Variants in MSANTD2 observed in about 807,000 individuals in gnomAD.
MSANTD2 encodes Myb/SANT DNA binding domain containing 2, also known as myb/SANT-like DNA-binding domain-containing protein 2.
A neutral mutation model predicts 52.6 loss-of-function variants in MSANTD2; 19 were observed. The ratio of observed to expected loss-of-function variants is 0.36; its 90% CI spans 0.25 to 0.53. MSANTD2 has a LOEUF of 0.53. Ranked by LOEUF, MSANTD2 falls within the 20% of genes least tolerant of loss-of-function variation. The pLI, the probability that MSANTD2 is intolerant of heterozygous loss-of-function variation, is 0.91. For synonymous variants in MSANTD2, 291 were observed against 289.7 expected (o/e 1.00, Z -0.04); for missense variants, 558 against 716.3 (o/e 0.78, Z 2.52).
intron 1 of MSANTD2, chr11:124,791,517 G>T: frequency 9.0e-7 from 1 of 1,112,770 alleles, no homozygotes; most frequent in South Asian, 1.3e-5. Flanking sequence ...TTGGAGAAGG[G>T]ATAAATGAAA....
At position 124,776,726 on chromosome 11, in the gene MSANTD2, T is replaced by C. The variant is rs139216406; in HGVS notation, c.511-1752A>G. Among the ~76,000 whole-genome samples the C allele has an allele frequency of 5.7e-3, 861 of 152,332 alleles. 19 individuals are homozygous for C. Among genetic ancestry groups the C allele is most frequent in the Admixed American group, 0.036 (548 of 15,302 alleles). The stretch of plus-strand genomic sequence containing the variant: ...AATAATAAAAGCACGACATGTGTGA[T>C]GATCTTCCTCACACAAAAACAGAGC... On this transcript the variant is annotated intron_variant, in intron 1 of 3. Coordinates refer to ENST00000374979, the MANE Select transcript of MSANTD2 (RefSeq NM_001308027.2).
Position 124,767,112 on chromosome 11 carries a change from C to T in MSANTD2, c.*64G>A, listed in dbSNP as rs1224394421. On this transcript the variant is annotated 3_prime_UTR_variant, in exon 4 of 4. Transcript: ENST00000374979. This position sits in a 1 kb window ranked among gnomAD's most constrained non-coding sequence, Gnocchi z 6.5. ...GGCGGCATCTGGATGAGGGGTGGTCCGGGTAATGGGAAGTGAGTAGAGAAG... is the reference window on the plus strand; with the variant it reads ...GGCGGCATCTGGATGAGGGGTGGTCTGGGTAATGGGAAGTGAGTAGAGAAG... 9 of 1,489,076 alleles carry T rather than the reference C, an allele frequency of 6.0e-6. No individual in the cohort carries two copies. In the East Asian group the frequency reaches 6.8e-5, roughly 11 times the overall value. 92.2% of individuals were successfully genotyped at this position (1,489,076 alleles called of 1,614,324 possible).
At position 124,774,305 on chromosome 11, in the gene MSANTD2, A is replaced by G. The variant is rs1156451090; in HGVS notation, c.766+414T>C. On this transcript the variant is annotated intron_variant, in intron 2 of 3. Coordinates refer to ENST00000374979, the MANE Select transcript of MSANTD2 (RefSeq NM_001308027.2). This position sits in a 1 kb window ranked among gnomAD's most constrained non-coding sequence, Gnocchi z 5.1. ...GGGATAAAAGAAGGAATTCCTAAGA[A>G]CAACATCTACAGCAGTTGGGCCAAG... Among the ~76,000 whole-genome samples the G allele has an allele frequency of 6.8e-6, 1 of 146,576 alleles. No homozygotes were observed. Among genetic ancestry groups the G allele is most frequent in the Non-Finnish European group, 1.5e-5 (1 of 67,756 alleles).
At chr11:124,786,041 G>C (rs1210320886) in intron 1 of MSANTD2, among the ~76,000 whole-genome samples, 1 of 146,234 alleles carries the variant, frequency 6.8e-6, no homozygotes, top group Non-Finnish European at 1.5e-5. Flanking sequence ...TTAATATTTA[G>C]TTTAAGTAAA....
At position 124,779,497 on chromosome 11, in the gene MSANTD2, C is replaced by T. The variant is rs1944871244; in HGVS notation, c.511-4523G>A. Among the ~76,000 whole-genome samples, 1 of 152,186 alleles carries T rather than the reference C, an allele frequency of 6.6e-6. No individual in the cohort carries two copies. Among genetic ancestry groups the T allele is most frequent in the South Asian group, 2.1e-4 (1 of 4,832 alleles). ...AGGACAAAAACACTGTTCTAGCTAA[C>T]TGACCATACATGGAATGGAGCACTA... On this transcript the variant is annotated intron_variant, in intron 1 of 3. Transcript: ENST00000374979. The surrounding 1 kb of genome is among the most constrained non-coding windows in gnomAD (Gnocchi z 4.6).
intron 1 of MSANTD2, chr11:124,783,956 T>C: frequency 1.0e-6 from 1 of 985,408 alleles, no homozygotes. Flanking sequence ...GCATGCATGT[T>C]CATGTATAAG....
chr11:124,794,713 G>T (rs959006752), intron 1 of MSANTD2, among the ~76,000 whole-genome samples: 4 of 152,058 alleles, frequency 2.6e-5, no homozygotes, highest in Non-Finnish European at 4.4e-5. Context: ...TAATTGCAAG[G>T]CTTCAGAGCT....
At chr11:124,795,040 G>C (rs1435291993) in intron 1 of MSANTD2, among the ~76,000 whole-genome samples, 1 of 151,954 alleles carries the variant, frequency 6.6e-6, no homozygotes, top group African/African-American at 2.4e-5. Context: ...CACCACGCCC[G>C]GCTAATTTTT....
intron 3 of MSANTD2, among the ~76,000 whole-genome samples, chr11:124,769,155 C>T (rs1376866547): frequency 6.6e-6 from 1 of 152,200 alleles, no homozygotes; most frequent in East Asian, 1.9e-4. Context: ...GCTACGTTCT[C>T]ATACCTTCTA....
At chr11:124,770,487 G>A (rs781103818) in intron 3 of MSANTD2, among the ~76,000 whole-genome samples, 3 of 152,012 alleles carry the variant, frequency 2.0e-5, no homozygotes, top group Non-Finnish European at 4.4e-5. Context: ...TTGTGGAGAT[G>A]AGAGTCTAGC....
intron 1 of MSANTD2, among the ~76,000 whole-genome samples, chr11:124,780,654 T>G (rs1383648575): frequency 6.6e-6 from 1 of 152,228 alleles, no homozygotes; most frequent in Admixed American, 6.5e-5. Context: ...AATTCTGCTC[T>G]GCATTATGTA....
rs750617814 is a variant in MSANTD2 at position 124,779,204 on chromosome 11, T to C, written c.511-4230A>G. On this transcript the variant is annotated intron_variant, in intron 1 of 3. Coordinates refer to ENST00000374979, the MANE Select transcript of MSANTD2 (RefSeq NM_001308027.2). This position sits in a 1 kb window ranked among gnomAD's most constrained non-coding sequence, Gnocchi z 4.6. ...ATAAAATATTGAAAGGCTTGGAAAATAAGATCTATAAGCAGGGACAGTGGT... is the reference window on the plus strand; with the variant it reads ...ATAAAATATTGAAAGGCTTGGAAAACAAGATCTATAAGCAGGGACAGTGGT... 6.6e-6 allele frequency: 1 copy of C among 152,064 alleles called. No individual in the cohort carries two copies. Among genetic ancestry groups the C allele is most frequent in the African/African-American group, 2.4e-5 (1 of 41,408 alleles). The allele number at this position is 152,064 out of a possible 1,614,324, so 9.4% of individuals were successfully genotyped here.
chr11:124,766,515 A>AT lies in MSANTD2; in HGVS notation c.*660dup, dbSNP rs35006083. ...CGCCAAGGGGCCAGGAATTACTTTA[A>AT]TTTTTTTTTTTTAAAAAAAGGTTTA... On this transcript the variant is annotated 3_prime_UTR_variant, in exon 4 of 4. Transcript: ENST00000374979. 0.42 allele frequency: 58,051 copies of AT among 138,756 alleles called. 11,604 individuals are homozygous for AT. The highest frequency in any genetic ancestry group is 0.54 in the Middle Eastern group (152 of 280). 8.6% of individuals were successfully genotyped at this position (138,756 alleles called of 1,614,324 possible).
At chr11:124,783,747 A>C (rs899221121) in intron 1 of MSANTD2, 11 of 985,204 alleles carry the variant, frequency 1.1e-5, no homozygotes, top group Non-Finnish European at 1.3e-5. Context: ...CTAGCAGCTG[A>C]GGGTCGTGCC....
intron 1 of MSANTD2, chr11:124,783,981 A>C: frequency 1.0e-6 from 1 of 985,450 alleles, no homozygotes; most frequent in African/African-American, 1.7e-5. Flanking sequence ...TCTTTAGGGT[A>C]CAAGAATCCT....
intron 1 of MSANTD2, chr11:124,775,545 G>A (rs1428424627): frequency 6.6e-6 from 1 of 152,498 alleles, no homozygotes; most frequent in East Asian, 1.9e-4. Flanking sequence ...CTTTGTGGAA[G>A]CCGCTAAAAT....
chr11:124,781,805 A>C lies in MSANTD2; in HGVS notation c.511-6831T>G, dbSNP rs186936421. Among the ~76,000 whole-genome samples the C allele has an allele frequency of 4.2e-3, 635 of 152,086 alleles. 3 individuals are homozygous for C. The highest frequency in any genetic ancestry group is 0.013 in the Admixed American group (202 of 15,262). Reference sequence around the variant, plus strand: ...GTAGCTGGGACTACAGGCACCCACCACCACGCTCGGCTAATTTTTATATTT... The same window carrying C: ...GTAGCTGGGACTACAGGCACCCACCCCCACGCTCGGCTAATTTTTATATTT... On this transcript the variant is annotated intron_variant, in intron 1 of 3. Transcript: ENST00000374979.
At chr11:124,790,841 C>T (rs1029923246) in intron 1 of MSANTD2, 16 of 196,506 alleles carry the variant, frequency 8.1e-5, no homozygotes, top group Admixed American at 1.7e-4. Context: ...CTCAAGCTAT[C>T]TAAAACTATG....
At chr11:124,783,729 C>T (rs1005266591) in intron 1 of MSANTD2, 1 of 985,130 alleles carries the variant, frequency 1.0e-6, no homozygotes, top group Non-Finnish European at 1.2e-6. Flanking sequence ...TTTCTAGGTT[C>T]CTTCATGCTA....
Sources: allele counts gnomAD v4.1 joint callset (sites outside exome capture counted in the v4.1 genomes callset), GRCh38; gene constraint gnomAD v4.1.1; non-coding constraint Gnocchi (gnomAD v3.1); transcripts MANE v1.5; gene names NCBI Gene and HGNC (gene_info 2026-07-23, HGNC 2026-07-21).